TGM4: variants seen among roughly 807,000 people sequenced by gnomAD.
The protein encoded by TGM4 is transglutaminase 4.
In TGM4, 61 loss-of-function variants were observed where a neutral mutation model predicts 76.3. The observed-to-expected ratio is 0.80, with a 90% CI of 0.65 to 0.99. The LOEUF (loss-of-function observed/expected upper bound fraction) is 0.99. Ranked by LOEUF, TGM4 falls within the 50% of genes least tolerant of loss-of-function variation. TGM4 has a pLI of 0.00. For missense variants in TGM4, 794 were observed against 843.2 expected, an observed-to-expected ratio of 0.94 and a Z score of 0.72; for synonymous variants, 337 against 329.8, an observed-to-expected ratio of 1.02 and a Z score of -0.24.
At chr3:44,892,325 C>G (rs984441359) in intron 4 of TGM4, among the ~76,000 whole-genome samples, 2 of 150,344 alleles carry the variant, frequency 1.3e-5, no homozygotes, top group African/African-American at 4.9e-5. Flanking sequence ...ACACTTTCAT[C>G]TACTATCTAT....
chr3:44,882,373 T>A (rs1005412246), intron 1 of TGM4, among the ~76,000 whole-genome samples: 2 of 152,202 alleles, frequency 1.3e-5, no homozygotes, highest in South Asian at 4.1e-4. Context: ...ACTGGCCATC[T>A]GTTATGTGCT....
Position 44,913,603 on chromosome 3 carries a change from A to G in TGM4, c.1933A>G (p.Thr645Ala). 1.2e-6 allele frequency: 2 copies of G among 1,614,082 alleles called. No homozygotes were observed. Among genetic ancestry groups the G allele is most frequent in the African/African-American group, 1.3e-5 (1 of 75,038 alleles). Reference protein sequence around the residue: ...SDHGTVQPGETIQSQIKCTPI... With the variant: ...SDHGTVQPGEAIQSQIKCTPI... ...TTCCAGGACGGTGCAGCCTGGTGAG[A>G]CCATCCAATCCCAAATAAAATGCAC... The change falls in exon 14 of 14, where the codon ACC becomes GCC. Residue 645 changes from threonine (T) to alanine (A), a missense_variant. Thr to Ala is a moderately conservative substitution (Grantham distance 58). Coordinates refer to ENST00000296125, the MANE Select transcript of TGM4 (RefSeq NM_003241.4).
intron 1 of TGM4, among the ~76,000 whole-genome samples, chr3:44,875,525 C>T (rs1021658525): frequency 2.0e-5 from 3 of 152,046 alleles, no homozygotes; most frequent in African/African-American, 4.8e-5. Context: ...AGGATGCAGC[C>T]GCCTACCACC....
In TGM4 at chr3:44,887,781, G is replaced by A. The variant is rs549170146; in HGVS notation, c.286G>A (p.Glu96Lys). The stretch of plus-strand genomic sequence containing the variant: ...CAACTGGCAGGCAACCCTTCAAAAT[G>A]AGTCTGGCAAAGAGGTGAGCACCCA... ...HYNWQATLQN[E>K]SGKEVTVAVT... Residue 96 changes from glutamate to lysine, a missense_variant, in exon 3 of 14, where the codon GAG (glutamate) becomes AAG (lysine). Coordinates refer to ENST00000296125, the MANE Select transcript of TGM4 (RefSeq NM_003241.4). The A allele has an allele frequency of 1.8e-5, 29 of 1,614,208 alleles. 1 individual carries two copies. The South Asian group carries it at 3.0e-4, about 16-fold the overall frequency.
Position 44,879,905 on chromosome 3 carries a change from C to T in TGM4, c.19+5208C>T, listed in dbSNP as rs1699509269. ...CTTGACCTCCCAGGCCCAAGAGATACTCTTGCCTCAGCCTCCCAAGTAGCT... is the reference window on the plus strand; with the variant it reads ...CTTGACCTCCCAGGCCCAAGAGATATTCTTGCCTCAGCCTCCCAAGTAGCT... On this transcript the variant is annotated intron_variant, in intron 1 of 13. Coordinates refer to ENST00000296125, the MANE Select transcript of TGM4 (RefSeq NM_003241.4). Among the ~76,000 whole-genome samples, 3 of 152,252 alleles carry T rather than the reference C, an allele frequency of 2.0e-5. No homozygotes were observed. In the South Asian group the frequency reaches 6.2e-4, roughly 32 times the overall value.
chr3:44,878,084 G>A (rs1005013135), intron 1 of TGM4, among the ~76,000 whole-genome samples: 1 of 151,814 alleles, frequency 6.6e-6, no homozygotes, highest in Non-Finnish European at 1.5e-5. Context: ...CCAGGAGGTC[G>A]AGGCTGCAGT....
At chr3:44,887,585 G>A (rs887989076) in intron 2 of TGM4, 104 bp from the exon 3 acceptor site, 56 of 960,294 alleles carry the variant, frequency 5.8e-5, no homozygotes, top group Non-Finnish European at 8.6e-5. Flanking sequence ...CTGGAAAGGA[G>A]GGGTGGGGGC....
chr3:44,911,437 T>C (rs1700004326), intron 13 of TGM4, 31 bp downstream of exon 13: 2 of 1,612,310 alleles, frequency 1.2e-6, no homozygotes, highest in Non-Finnish European at 1.7e-6. Context: ...CTTAGAAATA[T>C]GCTTCTGGAC....
At chr3:44,899,620 C>T (rs903295813) in intron 6 of TGM4, 2 of 152,328 alleles carry the variant, frequency 1.3e-5, no homozygotes, top group South Asian at 4.1e-4. Flanking sequence ...AAGACGACTC[C>T]CACACCAGGC....
chr3:44,899,566 G>T lies in TGM4; in HGVS notation c.658-1958G>T, dbSNP rs190145552. The T allele has an allele frequency of 6.2e-3, 940 of 152,342 alleles. 7 individuals carry two copies. The highest frequency in any genetic ancestry group is 0.027 in the Middle Eastern group (8 of 296). 9.4% of individuals were successfully genotyped at this position (152,342 alleles called of 1,614,324 possible). On this transcript the variant is annotated intron_variant, in intron 6 of 13. Coordinates refer to ENST00000296125, the MANE Select transcript of TGM4 (RefSeq NM_003241.4). ...GGCTATCCATGGGCCTCCTGGATCT[G>T]TGAATTTCTGACTAGCAGGCAGAGC...
chr3:44,902,590 C>G (rs1699869555), intron 8 of TGM4, among the ~76,000 whole-genome samples: 1 of 152,144 alleles, frequency 6.6e-6, no homozygotes, highest in African/African-American at 2.4e-5. Flanking sequence ...CAGAGCTAGA[C>G]TCCCTCTCAA....
chr3:44,893,933 C>CGGCTCACTCCCACCCCCCAT (rs1699739502), intron 5 of TGM4, among the ~76,000 whole-genome samples: 1 of 91,936 alleles, frequency 1.1e-5, no homozygotes, highest in Non-Finnish European at 2.3e-5. Flanking sequence ...ATCCACCCCA[C>CGGCTCACTCCCACCCCCCAT]GGCTCTCTCC....
Position 44,907,005 on chromosome 3 carries a change from A to G in TGM4, c.1132A>G (p.Ile378Val), listed in dbSNP as rs772093877. Residue 378 changes from isoleucine to valine, a missense_variant, in exon 10 of 14, where the codon ATT (isoleucine) becomes GTT (valine). Physicochemically the swap from Ile to Val is conservative, Grantham distance 29 (BLOSUM62 3). Coordinates refer to ENST00000296125, the MANE Select transcript of TGM4 (RefSeq NM_003241.4). ...LTAIRKGDIFIVYDTRFVFSE... is the reference protein window; with the variant it reads ...LTAIRKGDIFVVYDTRFVFSE... ...CGCCATCCGCAAAGGTGACATCTTT[A>G]TTGTCTATGACACCAGATTCGTCTT... 1.7e-5 allele frequency: 28 copies of G among 1,613,994 alleles called. No homozygotes were observed. The highest frequency in any genetic ancestry group is 2.2e-5 in the East Asian group (1 of 44,896).
chr3:44,906,229 T>C (rs1347745099), intron 9 of TGM4, among the ~76,000 whole-genome samples: 2 of 152,028 alleles, frequency 1.3e-5, no homozygotes, highest in East Asian at 3.9e-4. Flanking sequence ...TAAATAAAAA[T>C]AGTGGAAGCA....
chr3:44,899,516 T>G (rs1353419698), intron 6 of TGM4: 2 of 152,186 alleles, frequency 1.3e-5, no homozygotes, highest in Non-Finnish European at 2.9e-5. Context: ...CTATAAAGGT[T>G]GCCCCTTCAC....
rs1699936159 is a variant in TGM4 at position 44,907,261 on chromosome 3, G to A, written c.1327+61G>A. On this transcript the variant is annotated intron_variant, in intron 10 of 13. Transcript: ENST00000296125. ...CTGAGTCACCCAGAACATGAAAATAGTCAAGATTGGGGGTGGGCCTGGGCA... is the reference window on the plus strand; with the variant it reads ...CTGAGTCACCCAGAACATGAAAATAATCAAGATTGGGGGTGGGCCTGGGCA... The A allele has an allele frequency of 4.0e-6, 6 of 1,501,314 alleles. No homozygotes were observed. In the Admixed American group the frequency reaches 1.1e-4, roughly 27 times the overall value. The allele number at this position is 1,501,314 out of a possible 1,614,324, so 93.0% of individuals were successfully genotyped here.
rs760841100 is a variant in TGM4 at position 44,901,641 on chromosome 3, A to G, written c.775A>G (p.Thr259Ala). The change falls in exon 7 of 14, where the codon ACG becomes GCG. Residue 259 changes from threonine (T) to alanine (A), a missense_variant. Transcript: ENST00000296125. ...SAPILQQYYN[T>A]KQAVCFGQCW... The stretch of plus-strand genomic sequence containing the variant: ...CCCGATCCTGCAGCAGTACTACAAC[A>G]CGAAGCAGGCTGTGTGCTTTGGCCA... The G allele has an allele frequency of 1.9e-6, 3 of 1,614,208 alleles. No individual in the cohort carries two copies. The highest frequency in any genetic ancestry group is 2.5e-6 in the Non-Finnish European group (3 of 1,180,030).
chr3:44,881,185 C>T (rs1699527005), intron 1 of TGM4, among the ~76,000 whole-genome samples: 1 of 151,704 alleles, frequency 6.6e-6, no homozygotes, highest in African/African-American at 2.4e-5. Flanking sequence ...GCCTGGGTGA[C>T]AGAGCAAGGC....
At chr3:44,908,384 GTTTTTGTTTTTTTTGT>G (rs1279356457) in intron 10 of TGM4, among the ~76,000 whole-genome samples, 1 of 150,010 alleles carries the variant, frequency 6.7e-6, no homozygotes, top group Non-Finnish European at 1.5e-5. Context: ...GTTTTTTTTT[GTTTTTGTTTTTTTTGT>G]TTTTTGTTTT....
Sources: gnomAD v4.1 joint callset for allele counts (sites outside exome capture counted in the v4.1 genomes callset) on GRCh38, gnomAD v4.1.1 for gene constraint, MANE v1.5 for transcripts, NCBI Gene and HGNC (gene_info 2026-07-23, HGNC 2026-07-21) for gene names.